COL23A1: variants seen among roughly 807,000 people sequenced by gnomAD.
COL23A1 encodes collagen type XXIII alpha 1 chain, also known as collagen alpha-1(XXIII) chain.
COL23A1 carries 97 observed loss-of-function variants against 99.3 expected under a neutral mutation model. The ratio of observed to expected loss-of-function variants is 0.98; its 90% CI spans 0.83 to 1.16. COL23A1 has a LOEUF of 1.16. Ranked by LOEUF, COL23A1 falls within the 50% of genes most tolerant of loss-of-function variation. The pLI, the probability that COL23A1 is intolerant of heterozygous loss-of-function variation, is 0.00. For missense variants in COL23A1, 762 were observed against 757.4 expected (o/e 1.01, Z -0.07); for synonymous variants, 320 against 308.2 (o/e 1.04, Z -0.40).
chr5:178,561,281 TTC>T (rs2113570662), intron 1 of COL23A1, among the ~76,000 whole-genome samples: 1 of 152,370 alleles, frequency 6.6e-6, no homozygotes, highest in Non-Finnish European at 1.5e-5. Flanking sequence ...CTTTGTTGTT[TTC>T]TGTTTTCCAT....
Position 178,308,189 on chromosome 5 carries a change from G to A in COL23A1, c.362-1270C>T, listed in dbSNP as rs1758470828. Among the ~76,000 whole-genome samples the A allele has an allele frequency of 6.6e-6, 1 of 152,034 alleles. No homozygotes were observed. Among genetic ancestry groups the A allele is most frequent in the Non-Finnish European group, 1.5e-5 (1 of 68,000 alleles). On this transcript the variant is annotated intron_variant, in intron 2 of 28. Coordinates refer to ENST00000390654, the MANE Select transcript of COL23A1 (RefSeq NM_173465.4). This position sits in a 1 kb window ranked among gnomAD's most constrained non-coding sequence, Gnocchi z 5.1. ...TGTTAAGGGAAGGGGAGGAGGGAGGGCCAGTCTCTGAGAAACAGCGAGAGA... is the reference window on the plus strand; with the variant it reads ...TGTTAAGGGAAGGGGAGGAGGGAGGACCAGTCTCTGAGAAACAGCGAGAGA...
At chr5:178,417,828 G>A (rs1297942286) in intron 2 of COL23A1, among the ~76,000 whole-genome samples, 1 of 152,224 alleles carries the variant, frequency 6.6e-6, no homozygotes, top group Non-Finnish European at 1.5e-5. Flanking sequence ...AGGACGTTCT[G>A]AACCTGGGCT....
chr5:178,270,098 T>A (rs573222907), intron 6 of COL23A1, among the ~76,000 whole-genome samples: 4 of 152,152 alleles, frequency 2.6e-5, no homozygotes, highest in African/African-American at 4.8e-5. Context: ...GAGAGAGGGG[T>A]TCATGTGCCC....
At chr5:178,276,936 A>G (rs1756617818) in intron 5 of COL23A1, among the ~76,000 whole-genome samples, 1 of 152,162 alleles carries the variant, frequency 6.6e-6, no homozygotes, top group Non-Finnish European at 1.5e-5. Flanking sequence ...CGCTTGCACC[A>G]AGGTCAGAGA....
Position 178,306,587 on chromosome 5 carries a change from G to A in COL23A1, c.406+288C>T, listed in dbSNP as rs73804784. ...GTCATCACCTTCTGCCTCAGAGAGA[G>A]GGGGCTGCTCTGGAGTGGGGGACTA... is the stretch of plus-strand genomic sequence containing the variant. On this transcript the variant is annotated intron_variant, in intron 3 of 28. Coordinates refer to ENST00000390654, the MANE Select transcript of COL23A1 (RefSeq NM_173465.4). The surrounding 1 kb of genome is among the most constrained non-coding windows in gnomAD (Gnocchi z 4.1). Among the ~76,000 whole-genome samples, 75 of 151,180 alleles carry A rather than the reference G, an allele frequency of 5.0e-4. No homozygotes were observed. Among genetic ancestry groups the A allele is most frequent in the African/African-American group, 1.7e-3 (69 of 41,128 alleles).
At chr5:178,291,363 C>T (rs1233650643) in intron 3 of COL23A1, among the ~76,000 whole-genome samples, 1 of 152,204 alleles carries the variant, frequency 6.6e-6, no homozygotes, top group Admixed American at 6.5e-5. Context: ...ACTGAGCAGA[C>T]AGATCCTTAA....
intron 2 of COL23A1, among the ~76,000 whole-genome samples, chr5:178,538,783 A>G (rs986131653): frequency 1.3e-5 from 2 of 152,262 alleles, no homozygotes; most frequent in African/African-American, 4.8e-5. Context: ...AAGAATGTTC[A>G]TGGCAGCACT....
chr5:178,525,942 A>G (rs1760280604), intron 2 of COL23A1, among the ~76,000 whole-genome samples: 1 of 152,234 alleles, frequency 6.6e-6, no homozygotes. Context: ...TGACCTCAAG[A>G]CCTCCATATA....
chr5:178,500,423 A>AC (rs1562027622), intron 2 of COL23A1, among the ~76,000 whole-genome samples: 5 of 112,820 alleles, frequency 4.4e-5, no homozygotes, highest in South Asian at 3.3e-4. Context: ...CCCCATCTCT[A>AC]CAAAAAAAAA....
chr5:178,426,283 C>T (rs1208439779), intron 2 of COL23A1, among the ~76,000 whole-genome samples: 1 of 152,254 alleles, frequency 6.6e-6, no homozygotes, highest in East Asian at 1.9e-4. Context: ...ACCTAGTCTA[C>T]AGCCTTGTGC....
intron 2 of COL23A1, chr5:178,438,658 T>C (rs1369792932): frequency 6.6e-6 from 1 of 152,184 alleles, no homozygotes; most frequent in South Asian, 2.1e-4. Flanking sequence ...TCTGGTTTTA[T>C]TTTTTAGCAA....
At chr5:178,319,134 A>C (rs1411375126) in intron 2 of COL23A1, among the ~76,000 whole-genome samples, 1 of 152,206 alleles carries the variant, frequency 6.6e-6, no homozygotes, top group East Asian at 1.9e-4. Context: ...CTCTTGCTAC[A>C]TGGGCTGGTG....
At chr5:178,475,798 G>C (rs778820601) in intron 2 of COL23A1, among the ~76,000 whole-genome samples, 4 of 152,136 alleles carry the variant, frequency 2.6e-5, no homozygotes, top group South Asian at 2.1e-4. Flanking sequence ...TGCAGTTGTT[G>C]GACATATGCC....
intron 1 of COL23A1, among the ~76,000 whole-genome samples, chr5:178,572,444 C>CA (rs142445087): frequency 0.045 from 6,707 of 150,234 alleles, 194 homozygotes; most frequent in Non-Finnish European, 0.068. Flanking sequence ...CAAGCACACA[C>CA]AAAAAAAAAT....
At chr5:178,563,659 G>A (rs1337664042) in intron 1 of COL23A1, among the ~76,000 whole-genome samples, 1 of 150,388 alleles carries the variant, frequency 6.6e-6, no homozygotes, top group Non-Finnish European at 1.5e-5. Flanking sequence ...AGCCTCCTGA[G>A]TAGCTGAGTA....
intron 2 of COL23A1, among the ~76,000 whole-genome samples, chr5:178,346,258 G>A (rs993733544): frequency 1.3e-5 from 2 of 151,848 alleles, no homozygotes; most frequent in African/African-American, 4.8e-5. Flanking sequence ...TTTTAAGATG[G>A]AGTTTCGTTC....
At chr5:178,562,077 G>A (rs1411277632) in intron 1 of COL23A1, 2 of 532,166 alleles carry the variant, frequency 3.8e-6, no homozygotes, top group Admixed American at 2.2e-5. Context: ...TCGTGGTCTC[G>A]CTGACTTCAA....
At chr5:178,295,459 C>A (rs1203056497) in intron 3 of COL23A1, among the ~76,000 whole-genome samples, 1 of 151,908 alleles carries the variant, frequency 6.6e-6, no homozygotes, top group Non-Finnish European at 1.5e-5. Flanking sequence ...CATATCAGAT[C>A]AAAAAAATGA....
chr5:178,270,306 G>T, intron 6 of COL23A1, 31 bp downstream of exon 6: 1 of 1,613,450 alleles, frequency 6.2e-7, no homozygotes, highest in Non-Finnish European at 8.5e-7. Context: ...CCCAGCCCAG[G>T]ACCCCCTGGA....
Sources: allele counts gnomAD v4.1 joint callset (sites outside exome capture counted in the v4.1 genomes callset), GRCh38; gene constraint gnomAD v4.1.1; non-coding constraint Gnocchi (gnomAD v3.1); transcripts MANE v1.5; gene names NCBI Gene and HGNC (gene_info 2026-07-23, HGNC 2026-07-21).